The following ALG14 variants were observed in gnomAD, a reference collection of about 807,000 sequenced individuals.
ALG14 encodes UDP-N-acetylglucosamine transferase subunit ALG14.
A neutral mutation model predicts 22.8 loss-of-function variants in ALG14; 17 were observed. That is an observed-to-expected ratio of 0.75 (90% CI 0.51 to 1.12). ALG14 has a LOEUF of 1.12. Among genes scored for constraint, ALG14 ranks in the 50% most tolerant of loss-of-function variants. ALG14 has a pLI of 0.00. For synonymous variants in ALG14, 89 were observed against 103.7 expected, an observed-to-expected ratio of 0.86 and a Z score of 0.86; for missense variants, 288 against 271.8, an observed-to-expected ratio of 1.06 and a Z score of -0.42.
intron 2 of ALG14, among the ~76,000 whole-genome samples, chr1:95,041,119 C>T (rs1674363015): frequency 6.6e-6 from 1 of 152,176 alleles, no homozygotes; most frequent in Non-Finnish European, 1.5e-5. Context: ...ACATCAGAAT[C>T]TCTATTTGCA....
At chr1:95,030,294 G>A (rs907730390) in intron 2 of ALG14, among the ~76,000 whole-genome samples, 1 of 151,822 alleles carries the variant, frequency 6.6e-6, no homozygotes, top group Admixed American at 6.6e-5. Flanking sequence ...CGTTAAATAA[G>A]CTTGTGACAA....
At chr1:95,053,179 A>C (rs1674810790) in intron 2 of ALG14, among the ~76,000 whole-genome samples, 1 of 152,194 alleles carries the variant, frequency 6.6e-6, no homozygotes, top group Non-Finnish European at 1.5e-5. Context: ...AACACACACA[A>C]AAAAGTGAAA....
chr1:95,047,926 T>C (rs1674614027), intron 2 of ALG14, among the ~76,000 whole-genome samples: 1 of 152,114 alleles, frequency 6.6e-6, no homozygotes, highest in Non-Finnish European at 1.5e-5. Context: ...CAGTGAGCTA[T>C]GATCATACCA....
At chr1:94,995,527 A>C (rs1672887810) in intron 3 of ALG14, among the ~76,000 whole-genome samples, 2 of 152,210 alleles carry the variant, frequency 1.3e-5, no homozygotes, top group Non-Finnish European at 2.9e-5. Context: ...AGCCTGGCCA[A>C]CATGGTAAAA....
At chr1:95,072,503 T>C (rs899504413) in intron 1 of ALG14, among the ~76,000 whole-genome samples, 2 of 152,196 alleles carry the variant, frequency 1.3e-5, no homozygotes, top group African/African-American at 4.8e-5. Flanking sequence ...TGTTCACTAA[T>C]TGTTTGAAAA....
intron 3 of ALG14, among the ~76,000 whole-genome samples, chr1:95,016,318 G>A (rs555042118): frequency 1.3e-5 from 2 of 152,152 alleles, no homozygotes; most frequent in Admixed American, 1.3e-4. Context: ...TTTGGACAAG[G>A]CACTCCCTTC....
chr1:95,035,771 T>A (rs886782909), intron 2 of ALG14: 6 of 152,216 alleles, frequency 3.9e-5, no homozygotes, highest in Non-Finnish European at 7.3e-5. Flanking sequence ...GATGGCATCA[T>A]AAACCACAAC....
chr1:94,987,271 A>T (rs1196244729), intron 3 of ALG14, among the ~76,000 whole-genome samples: 1 of 152,142 alleles, frequency 6.6e-6, no homozygotes, highest in African/African-American at 2.4e-5. Flanking sequence ...ATTTCTGCTT[A>T]AATCATTTGA....
In ALG14 at chr1:95,022,880, G is replaced by A. The variant is rs552675512; in HGVS notation, c.420+4249C>T. Among the ~76,000 whole-genome samples the A allele has an allele frequency of 3.7e-4, 57 of 152,232 alleles. No homozygotes were observed. The South Asian group carries it at 7.1e-3, about 19-fold the overall frequency. On this transcript the variant is annotated intron_variant, in intron 3 of 3. Coordinates refer to ENST00000370205, the MANE Select transcript of ALG14 (RefSeq NM_144988.4). ...CCAGATGAAAGTCATTATACAAAGA[G>A]AATCAAATTAACAACAGTTAAGGAG...
At chr1:95,044,293 C>T (rs1050696672) in intron 2 of ALG14, among the ~76,000 whole-genome samples, 1 of 152,158 alleles carries the variant, frequency 6.6e-6, no homozygotes, top group South Asian at 2.1e-4. Context: ...CACAGCCACA[C>T]GAGTGACCTG....
chr1:95,043,271 G>A (rs995121133), intron 2 of ALG14, among the ~76,000 whole-genome samples: 5 of 152,150 alleles, frequency 3.3e-5, no homozygotes, highest in Non-Finnish European at 5.9e-5. Flanking sequence ...TCTCAAGGGC[G>A]ATGGGAGGGG....
At chr1:94,995,024 G>A (rs1219310681) in intron 3 of ALG14, among the ~76,000 whole-genome samples, 1 of 152,120 alleles carries the variant, frequency 6.6e-6, no homozygotes, top group African/African-American at 2.4e-5. Flanking sequence ...CTTCAATCAT[G>A]GCACTCTCTT....
intron 3 of ALG14, among the ~76,000 whole-genome samples, chr1:95,025,702 T>C (rs188251547): frequency 3.6e-4 from 55 of 152,336 alleles, no homozygotes; most frequent in Admixed American, 9.8e-4. Flanking sequence ...TGCAGATGGC[T>C]TCTCTCCTTA....
intron 3 of ALG14, among the ~76,000 whole-genome samples, chr1:94,984,742 G>T (rs1557937522): frequency 6.6e-6 from 1 of 152,188 alleles, no homozygotes; most frequent in Non-Finnish European, 1.5e-5. Context: ...GGAACTGAGA[G>T]TCAGGGGAAC....
At chr1:95,003,181 G>T (rs921440649) in intron 3 of ALG14, among the ~76,000 whole-genome samples, 1 of 152,198 alleles carries the variant, frequency 6.6e-6, no homozygotes, top group Non-Finnish European at 1.5e-5. Context: ...GTGGTCCATA[G>T]GCTGAATAAA....
chr1:95,014,056 A>C (rs1673439494), intron 3 of ALG14, among the ~76,000 whole-genome samples: 1 of 152,084 alleles, frequency 6.6e-6, no homozygotes, highest in South Asian at 2.1e-4. Context: ...TTTATTTAGA[A>C]TCATTCCCAG....
chr1:95,048,537 C>T (rs183363809), intron 2 of ALG14, among the ~76,000 whole-genome samples: 215 of 152,254 alleles, frequency 1.4e-3, no homozygotes, highest in Admixed American at 3.0e-3. Flanking sequence ...TTTCCTTCCA[C>T]GCCTTGGAGG....
Position 94,998,961 on chromosome 1 carries a change from A to C in ALG14, c.421-15655T>G, listed in dbSNP as rs958409117. Among the ~76,000 whole-genome samples the C allele has an allele frequency of 3.3e-5, 5 of 152,290 alleles. 1 individual carries two copies. Reference sequence around the variant, plus strand: ...GTACACACAAAAAAATCTCATGGGAAGCCTGCAGAAATTACTCATACATTG... The same window carrying C: ...GTACACACAAAAAAATCTCATGGGACGCCTGCAGAAATTACTCATACATTG... On this transcript the variant is annotated intron_variant, in intron 3 of 3. Coordinates refer to ENST00000370205, the MANE Select transcript of ALG14 (RefSeq NM_144988.4).
chr1:95,044,030 T>C (rs566951289), intron 2 of ALG14, among the ~76,000 whole-genome samples: 4 of 152,252 alleles, frequency 2.6e-5, no homozygotes, highest in Non-Finnish European at 4.4e-5. Flanking sequence ...ATCGGGATGC[T>C]CCCCTTTCAG....
Sources: allele counts gnomAD v4.1 joint callset (sites outside exome capture counted in the v4.1 genomes callset), GRCh38; gene constraint gnomAD v4.1.1; transcripts MANE v1.5; gene names NCBI Gene and HGNC (gene_info 2026-07-23, HGNC 2026-07-21).